The following CCDC125 variants were observed in gnomAD, a reference collection of about 807,000 sequenced individuals.
CCDC125 encodes coiled-coil domain-containing protein 125.
A neutral mutation model predicts 57.4 loss-of-function variants in CCDC125; 43 were observed. That is an observed-to-expected ratio of 0.75 (90% CI 0.59 to 0.97). CCDC125 has a LOEUF of 0.97. CCDC125 is among the 50% of genes least tolerant of loss of function. The probability of loss-of-function intolerance (pLI) is 0.00; values close to 1 mark genes in which losing one functional copy is unlikely to be tolerated. For synonymous variants in CCDC125, 187 were observed against 195.2 expected (o/e 0.96, Z 0.35); for missense variants, 563 against 595.7 (o/e 0.95, Z 0.57).
chr5:69,315,756 G>A (rs66514959), intron 2 of CCDC125, among the ~76,000 whole-genome samples: 59,545 of 105,250 alleles, frequency 0.57, 13,246 homozygotes, highest in South Asian at 0.63. Flanking sequence ...GCAAAACTCC[G>A]TCTCAAAAAA....
chr5:69,320,330 C>A lies in CCDC125; in HGVS notation c.211G>T (p.Glu71Ter), dbSNP rs1391871839. The A allele has an allele frequency of 6.2e-7, 1 of 1,614,066 alleles. No homozygotes were observed. Among genetic ancestry groups the A allele is most frequent in the African/African-American group, 1.3e-5 (1 of 75,018 alleles). Residue 71 changes from glutamate (E) to a stop codon, truncating the protein, a stop_gained, in exon 2 of 12, where the codon GAA becomes TAA. Coordinates refer to ENST00000396496, the MANE Select transcript of CCDC125 (RefSeq NM_176816.5). LOFTEE classifies it high-confidence loss of function. ...TGCTTGGAATACTGAAAACTCGCTT[C>A]ATTTCTTTCTTCTCCCTTTCTCGGA... Reference protein sequence around the residue: ...PFPRKGEERNEASFQYSKHKS... With the variant: ...PFPRKGEERN
chr5:69,290,512 A>G (rs982623473), intron 10 of CCDC125, among the ~76,000 whole-genome samples: 1 of 151,342 alleles, frequency 6.6e-6, no homozygotes, highest in Non-Finnish European at 1.5e-5. Flanking sequence ...AATGTTGGCC[A>G]GGCTGGTCTT....
At chr5:69,284,377 C>T (rs758049283) in intron 11 of CCDC125, among the ~76,000 whole-genome samples, 2 of 152,014 alleles carry the variant, frequency 1.3e-5, no homozygotes, top group African/African-American at 2.4e-5. Context: ...TTTAGTCATT[C>T]CATGTGGAAT....
intron 10 of CCDC125, among the ~76,000 whole-genome samples, chr5:69,286,686 G>A (rs1753540589): frequency 6.6e-6 from 1 of 152,112 alleles, no homozygotes; most frequent in South Asian, 2.1e-4. Flanking sequence ...ATTTGCAGAA[G>A]TTATAAAATC....
chr5:69,324,194 T>C (rs190837756), intron 1 of CCDC125, among the ~76,000 whole-genome samples: 31 of 152,316 alleles, frequency 2.0e-4, no homozygotes, highest in Admixed American at 7.2e-4. Context: ...ATTTTCAATG[T>C]TAAAAACAAA....
chr5:69,319,484 T>C (rs953492332), intron 2 of CCDC125, among the ~76,000 whole-genome samples: 6 of 144,606 alleles, frequency 4.1e-5, no homozygotes, highest in Admixed American at 1.4e-4. Context: ...ATCGACTACT[T>C]TTTTTTTTTT....
chr5:69,293,462 C>T (rs372252868), intron 9 of CCDC125, among the ~76,000 whole-genome samples: 470 of 152,004 alleles, frequency 3.1e-3, no homozygotes, highest in South Asian at 3.3e-3. Flanking sequence ...CCAGCCTGGC[C>T]AACATAGTGA....
intron 7 of CCDC125, among the ~76,000 whole-genome samples, chr5:69,302,153 G>A (rs1417012668): frequency 3.3e-5 from 5 of 151,744 alleles, no homozygotes; most frequent in African/African-American, 1.2e-4. Context: ...TGGACATGGT[G>A]ATTCACACCT....
intron 1 of CCDC125, among the ~76,000 whole-genome samples, chr5:69,323,474 C>T (rs576990495): frequency 2.6e-5 from 4 of 152,202 alleles, no homozygotes; most frequent in East Asian, 1.9e-4. Context: ...GATTTAACCT[C>T]GTACTCTGAG....
At chr5:69,331,309 T>C (rs938622258) in intron 1 of CCDC125, among the ~76,000 whole-genome samples, 15 of 151,898 alleles carry the variant, frequency 9.9e-5, no homozygotes, top group Non-Finnish European at 1.8e-4. Flanking sequence ...CTCGGCTCAC[T>C]GCAACCTAGA....
Position 69,301,328 on chromosome 5 carries a change from C to T in CCDC125, c.701-1201G>A, listed in dbSNP as rs1045459982. 3.9e-5 allele frequency among the ~76,000 whole-genome samples: 6 copies of T among 152,012 alleles called. No individual in the cohort carries two copies. The South Asian group carries it at 1.2e-3, about 32-fold the overall frequency. The stretch of plus-strand genomic sequence containing the variant: ...TTTAATTTCTGCTAAGAAGGAAGAA[C>T]TAGCCTCTTCTCTAAATTTTTAGGG... On this transcript the variant is annotated intron_variant, in intron 7 of 11. Transcript: ENST00000396496.
At chr5:69,302,233 T>C (rs10940214) in intron 7 of CCDC125, among the ~76,000 whole-genome samples, 79,511 of 150,506 alleles carry the variant, frequency 0.53, 21,073 homozygotes, top group South Asian at 0.66. Context: ...ACCAGCCTGG[T>C]CAACATGGTG....
At chr5:69,283,442 A>G (rs558431235) in intron 11 of CCDC125, among the ~76,000 whole-genome samples, 102 of 152,066 alleles carry the variant, frequency 6.7e-4, no homozygotes, top group East Asian at 1.2e-3. Flanking sequence ...GGATGGTCTG[A>G]ATCTCCTGAC....
intron 10 of CCDC125, among the ~76,000 whole-genome samples, chr5:69,286,049 G>A (rs1753291499): frequency 6.6e-6 from 1 of 151,510 alleles, no homozygotes; most frequent in South Asian, 2.1e-4. Flanking sequence ...GGCTGGAGAA[G>A]GGGAAGTGAG....
chr5:69,308,107 T>A (rs1371805155), intron 4 of CCDC125, 79 bp from the exon 5 acceptor site: 1 of 1,002,516 alleles, frequency 1.0e-6, no homozygotes, highest in Non-Finnish European at 1.6e-6. Context: ...CTCTTTTATT[T>A]TAAGGCAATG....
At chr5:69,279,259 A>T (rs1188180826), downstream of CCDC125, among the ~76,000 whole-genome samples, 5 of 144,626 alleles carry the variant, frequency 3.5e-5, no homozygotes, top group Admixed American at 2.8e-4. Context: ...GTGCAGTGGC[A>T]CGATCTCGGC....
At position 69,323,513 on chromosome 5, in the gene CCDC125, C is replaced by A. The variant is rs925887140; in HGVS notation, c.-40-2933G>T. 2.6e-5 allele frequency among the ~76,000 whole-genome samples: 4 copies of A among 152,158 alleles called. No homozygotes were observed. In the East Asian group the frequency reaches 7.7e-4, roughly 29 times the overall value. ...TGCAAATTCGTCTTTGTTTTTGGAA[C>A]ACTGTGGATTTTTTTTTCCAAATAT... On this transcript the variant is annotated intron_variant, in intron 1 of 11. Coordinates refer to ENST00000396496, the MANE Select transcript of CCDC125 (RefSeq NM_176816.5).
chr5:69,317,432 C>T (rs1759294128), intron 2 of CCDC125, among the ~76,000 whole-genome samples: 1 of 152,190 alleles, frequency 6.6e-6, no homozygotes, highest in Non-Finnish European at 1.5e-5. Context: ...TAATCCCATT[C>T]TGATTTCAAG....
chr5:69,286,188 CTATA>C (rs59035946), intron 10 of CCDC125, among the ~76,000 whole-genome samples: 1,734 of 51,206 alleles, frequency 0.034, 14 homozygotes, highest in Middle Eastern at 0.052. Flanking sequence ...AAATGGTAAA[CTATA>C]TATATATATA....
Sources: gnomAD v4.1 joint callset for allele counts (sites outside exome capture counted in the v4.1 genomes callset) on GRCh38, gnomAD v4.1.1 for gene constraint, MANE v1.5 for transcripts, NCBI Gene and HGNC (gene_info 2026-07-23, HGNC 2026-07-21) for gene names.